DNAH14: variants seen among roughly 807,000 people sequenced by gnomAD.
DNAH14 encodes axonemal beta dynein heavy chain 14.
DNAH14 carries 478 observed loss-of-function variants against 520.9 expected under a neutral mutation model. The ratio of observed to expected loss-of-function variants is 0.92; its 90% confidence interval spans 0.85 to 0.99. The LOEUF (loss-of-function observed/expected upper bound fraction) is 0.99, where lower values mean the gene tolerates loss of function less well. Among genes scored for constraint, DNAH14 ranks in the 50% least tolerant of loss-of-function variants. DNAH14 has a pLI of 0.00. For missense variants in DNAH14, 4,831 were observed against 5,234.5 expected, an observed-to-expected ratio of 0.92 and a Z score of 2.38; for synonymous variants, 1,581 against 1,757.2, an observed-to-expected ratio of 0.90 and a Z score of 2.51.
At chr1:225,222,259 A>G (rs1473647210) in intron 41 of DNAH14, among the ~76,000 whole-genome samples, 1 of 152,170 alleles carries the variant, frequency 6.6e-6, no homozygotes, top group Non-Finnish European at 1.5e-5. Context: ...GTTTGAGGGA[A>G]TTGTTCAGGC....
intron 1 of DNAH14, among the ~76,000 whole-genome samples, chr1:224,931,029 A>G (rs1049240204): frequency 6.6e-6 from 1 of 152,250 alleles, no homozygotes; most frequent in East Asian, 1.9e-4. Context: ...AGGAGATGAC[A>G]GCTCCATGTG....
Position 224,967,538 on chromosome 1 carries a change from A to G in DNAH14, c.606A>G (p.Lys202=), listed in dbSNP as rs2061260504. The change falls in exon 6 of 86, where the codon AAA becomes AAG. Residue 202 remains lysine (K), a synonymous_variant. Coordinates refer to ENST00000682510, the MANE Select transcript of DNAH14 (RefSeq NM_001367479.1). ...AGGTAGTATCGGCTCATACTGCTAA[A>G]CATTGCAAAGAATTTTGGGTTATTA... is the stretch of plus-strand genomic sequence containing the variant. ...DLQVVSAHTA[K]HCKEFWVITA... is the part of the protein sequence containing the mutation. 6 of 1,604,736 alleles carry G rather than the reference A, an allele frequency of 3.7e-6. No individual in the cohort carries two copies. The South Asian group carries it at 6.7e-5, about 18-fold the overall frequency.
intron 65 of DNAH14, among the ~76,000 whole-genome samples, chr1:225,333,090 C>G (rs901220042): frequency 1.3e-5 from 2 of 152,250 alleles, no homozygotes; most frequent in Admixed American, 1.3e-4. Context: ...ACACTATTAG[C>G]AAACCCAAGA....
chr1:225,178,422 A>G (rs1448297810), intron 36 of DNAH14, among the ~76,000 whole-genome samples: 1 of 152,118 alleles, frequency 6.6e-6, no homozygotes, highest in Non-Finnish European at 1.5e-5. Flanking sequence ...GACTTAATTC[A>G]CTATCACAGG....
chr1:225,325,743 C>T (rs1412018844), intron 64 of DNAH14, among the ~76,000 whole-genome samples: 2 of 152,088 alleles, frequency 1.3e-5, no homozygotes, highest in East Asian at 1.9e-4. Context: ...CTATTACAGT[C>T]TTCCCACCCC....
At chr1:224,999,171 A>G (rs2063584006) in intron 8 of DNAH14, among the ~76,000 whole-genome samples, 1 of 151,990 alleles carries the variant, frequency 6.6e-6, no homozygotes, top group Admixed American at 6.6e-5. Context: ...TACAGACAGC[A>G]TATAGTTGTG....
chr1:225,388,331 C>T, intron 81 of DNAH14, 48 bp from the exon 82 acceptor site: 1 of 1,229,876 alleles, frequency 8.1e-7, no homozygotes, highest in African/African-American at 1.5e-5. Context: ...CCTAATGACC[C>T]CAAAGACAAA....
At chr1:225,315,493 T>C (rs1480340084) in intron 60 of DNAH14, among the ~76,000 whole-genome samples, 2 of 151,892 alleles carry the variant, frequency 1.3e-5, no homozygotes, top group Non-Finnish European at 2.9e-5. Flanking sequence ...TAGCAAGGAG[T>C]TGTGATCCTT....
At position 225,303,183 on chromosome 1, in the gene DNAH14, G is replaced by T; in HGVS notation, c.8659G>T (p.Val2887Leu). ...AATATATAAAAATCTTCATATTTTT[G>T]TGATCATGAGTCCTGAAGGACCTAG... is the stretch of plus-strand genomic sequence containing the variant. ...KRIYKNLHIFVIMSPEGPSFR... is the reference protein window; with the variant it reads ...KRIYKNLHIFLIMSPEGPSFR... The change falls in exon 57 of 86, where the codon GTG becomes TTG. Residue 2887 changes from valine to leucine, a missense_variant. Physicochemically the swap from Val to Leu is conservative, Grantham distance 32. Transcript: ENST00000682510. 2.0e-6 allele frequency: 3 copies of T among 1,487,480 alleles called. No homozygotes were observed. The highest frequency in any genetic ancestry group is 1.4e-5 in the South Asian group (1 of 72,134). The allele number at this position is 1,487,480 out of a possible 1,614,324, so 92.1% of individuals were successfully genotyped here.
At chr1:225,129,771 G>A (rs1363897325) in intron 27 of DNAH14, among the ~76,000 whole-genome samples, 1 of 152,072 alleles carries the variant, frequency 6.6e-6, no homozygotes, top group East Asian at 1.9e-4. Flanking sequence ...AGGACTTCAT[G>A]TCTAAAACAC....
At chr1:225,213,670 T>C (rs2088814333) in intron 41 of DNAH14, among the ~76,000 whole-genome samples, 1 of 152,202 alleles carries the variant, frequency 6.6e-6, no homozygotes, top group South Asian at 2.1e-4. Context: ...TTTGAAGCAA[T>C]TGTGAATGAG....
At chr1:225,080,060 C>A (rs1326424433) in intron 18 of DNAH14, among the ~76,000 whole-genome samples, 1 of 152,102 alleles carries the variant, frequency 6.6e-6, no homozygotes, top group Non-Finnish European at 1.5e-5. Context: ...TTTCTATTTT[C>A]ACTAATTTCT....
At chr1:225,168,736 C>CAAAT (rs2082300119) in intron 36 of DNAH14, among the ~76,000 whole-genome samples, 1 of 152,158 alleles carries the variant, frequency 6.6e-6, no homozygotes, top group Non-Finnish European at 1.5e-5. Context: ...AGGGCACAGC[C>CAAAT]AAATAAAAAA....
intron 73 of DNAH14, among the ~76,000 whole-genome samples, chr1:225,356,359 T>C (rs1254393939): frequency 6.6e-6 from 1 of 152,196 alleles, no homozygotes; most frequent in African/African-American, 2.4e-5. Context: ...TCTTCACTGC[T>C]CCCTGCTACT....
intron 68 of DNAH14, among the ~76,000 whole-genome samples, chr1:225,339,303 C>T (rs920966505): frequency 1.3e-5 from 2 of 152,204 alleles, no homozygotes; most frequent in East Asian, 1.9e-4. Flanking sequence ...AAGAGTGAAA[C>T]TCTGTCTGAA....
chr1:225,051,147 T>C (rs1475349502), intron 16 of DNAH14, among the ~76,000 whole-genome samples: 1 of 152,174 alleles, frequency 6.6e-6, no homozygotes, highest in Non-Finnish European at 1.5e-5. Flanking sequence ...CGTAGTATAC[T>C]CTAAAACAGG....
intron 43 of DNAH14, among the ~76,000 whole-genome samples, chr1:225,243,612 C>A (rs1284161282): frequency 1.3e-5 from 2 of 151,700 alleles, no homozygotes; most frequent in East Asian, 3.9e-4. Context: ...TACGGAACAA[C>A]ATGTAGAAAT....
rs113737126 is a variant in DNAH14 at position 225,096,021 on chromosome 1, C to G, written c.3574-1097C>G. On this transcript the variant is annotated intron_variant, in intron 21 of 85. Transcript: ENST00000682510. ...TTGCTTTGTCACCCAGGCTGGAGTGCCGTGGTGCAGTCTCCACCCACTGCA... is the reference window on the plus strand; with the variant it reads ...TTGCTTTGTCACCCAGGCTGGAGTGGCGTGGTGCAGTCTCCACCCACTGCA... Among the ~76,000 whole-genome samples the G allele has an allele frequency of 3.9e-3, 587 of 152,238 alleles. 5 individuals carry two copies. Among genetic ancestry groups the G allele is most frequent in the African/African-American group, 0.013 (555 of 41,554 alleles).
At chr1:225,257,545 C>CTT (rs980562680) in intron 44 of DNAH14, among the ~76,000 whole-genome samples, 4 of 144,354 alleles carry the variant, frequency 2.8e-5, no homozygotes, top group African/African-American at 2.5e-5. Flanking sequence ...TTTTTTCTTT[C>CTT]TTTTTTTTTT....
Sources: allele counts gnomAD v4.1 joint callset (sites outside exome capture counted in the v4.1 genomes callset), GRCh38; gene constraint gnomAD v4.1.1; transcripts MANE v1.5; gene names NCBI Gene and HGNC (gene_info 2026-07-23, HGNC 2026-07-21).